The following CCDC69 variants were observed in gnomAD, a reference collection of about 807,000 sequenced individuals.
CCDC69 encodes coiled-coil domain-containing protein 69.
A neutral mutation model predicts 40.3 loss-of-function variants in CCDC69; 38 were observed. The ratio of observed to expected loss-of-function variants is 0.94; its 90% CI spans 0.73 to 1.24. The LOEUF (loss-of-function observed/expected upper bound fraction) is 1.24, where lower values mean the gene tolerates loss of function less well. Ranked by LOEUF, CCDC69 falls within the 50% of genes most tolerant of loss-of-function variation. The pLI, the probability that CCDC69 is intolerant of heterozygous loss-of-function variation, is 0.00. For missense variants in CCDC69, 389 were observed against 357.9 expected (o/e 1.09, Z -0.70); for synonymous variants, 141 against 138.9 (o/e 1.02, Z -0.11).
At chr5:151,199,894 A>G (rs758270947) in intron 3 of CCDC69, among the ~76,000 whole-genome samples, 5 of 152,154 alleles carry the variant, frequency 3.3e-5, no homozygotes, top group Non-Finnish European at 7.3e-5. Flanking sequence ...TTTCTGAAAA[A>G]TGCGTCTAAG....
intron 8 of CCDC69, among the ~76,000 whole-genome samples, chr5:151,183,991 T>C (rs144928600): frequency 6.6e-6 from 1 of 152,288 alleles, no homozygotes; most frequent in East Asian, 1.9e-4. Context: ...ATAAATTATG[T>C]CTGACACATG....
At chr5:151,215,722 C>A (rs1254005689) in intron 1 of CCDC69, 4 of 321,148 alleles carry the variant, frequency 1.2e-5, no homozygotes, top group Non-Finnish European at 2.8e-5. Context: ...AGCCATCTCC[C>A]AAGTTGCACG....
At chr5:151,197,375 A>G (rs2113991125) in intron 4 of CCDC69, among the ~76,000 whole-genome samples, 1 of 152,242 alleles carries the variant, frequency 6.6e-6, no homozygotes, top group African/African-American at 2.4e-5. Context: ...AAAAAAATAT[A>G]AAAATTAGCT....
intron 1 of CCDC69, among the ~76,000 whole-genome samples, chr5:151,207,390 C>T (rs1433707551): frequency 1.3e-5 from 2 of 152,050 alleles, no homozygotes; most frequent in African/African-American, 4.8e-5. Context: ...CTCCTGGGTT[C>T]ACGCCATTCT....
chr5:151,209,199 G>C (rs1051597442), intron 1 of CCDC69, among the ~76,000 whole-genome samples: 1 of 152,228 alleles, frequency 6.6e-6, no homozygotes, highest in Admixed American at 6.5e-5. Flanking sequence ...TTTAGGATGA[G>C]ATGAAATAAT....
rs780389055 is a variant in CCDC69, at chr5:151,199,067, C to A, written c.249G>T (p.Glu83Asp). ...CATCCAGTCTGTCTCGAAGCTCTAGCTCCCTTTCCTTCTCCACCTGGGGGC... is the reference window on the plus strand; with the variant it reads ...CATCCAGTCTGTCTCGAAGCTCTAGATCCCTTTCCTTCTCCACCTGGGGGC... ...KWAQQVEKER[E>D]LELRDRLDEQ... The change falls in exon 4 of 9, where the codon GAG becomes GAT. Residue 83 changes from glutamate to aspartate, a missense_variant. Physicochemically the swap from Glu to Asp is conservative, Grantham distance 45. Coordinates refer to ENST00000355417, the MANE Select transcript of CCDC69 (RefSeq NM_015621.3). The A allele has an allele frequency of 6.8e-6, 11 of 1,613,874 alleles. No homozygotes were observed. The South Asian group carries it at 8.8e-5, about 13-fold the overall frequency.
In CCDC69 at chr5:151,222,220, C is replaced by T. The variant is rs142212037; in HGVS notation, c.48+1703G>A. Among the ~76,000 whole-genome samples, 621 of 152,346 alleles carry T rather than the reference C, an allele frequency of 4.1e-3. 6 individuals are homozygous for T. Among genetic ancestry groups the T allele is most frequent in the African/African-American group, 0.014 (568 of 41,576 alleles). On this transcript the variant is annotated intron_variant, in intron 1 of 8. Transcript: ENST00000355417. ...TAACCTCCTATCTGTATAGTGGGTG[C>T]GTCAGCCCAGGTAGTACCCAAAGGC...
intron 4 of CCDC69, among the ~76,000 whole-genome samples, chr5:151,194,761 C>T (rs1213526779): frequency 2.0e-5 from 3 of 152,000 alleles, no homozygotes; most frequent in African/African-American, 4.8e-5. Context: ...GGCATAGTGG[C>T]ACGTGCCTGT....
intron 1 of CCDC69, among the ~76,000 whole-genome samples, chr5:151,221,977 G>A (rs979243150): frequency 4.6e-5 from 7 of 152,268 alleles, no homozygotes; most frequent in African/African-American, 1.7e-4. Context: ...TTGCCATATA[G>A]GGGCAGGGGC....
At chr5:151,205,781 A>C (rs904007638) in intron 1 of CCDC69, among the ~76,000 whole-genome samples, 1 of 151,680 alleles carries the variant, frequency 6.6e-6, no homozygotes, top group African/African-American at 2.4e-5. Flanking sequence ...CTCTCAGACC[A>C]CCTCTTTCTT....
At chr5:151,187,480 C>G in intron 4 of CCDC69, 21 bp from the exon 5 acceptor site, 1 of 1,599,434 alleles carries the variant, frequency 6.3e-7, no homozygotes, top group Non-Finnish European at 8.5e-7. Context: ...AGGAGAACTC[C>G]ATAAGCTCAA....
At chr5:151,223,453 C>G (rs1340031966) in intron 1 of CCDC69, among the ~76,000 whole-genome samples, 5 of 152,246 alleles carry the variant, frequency 3.3e-5, no homozygotes, top group Admixed American at 3.3e-4. Flanking sequence ...GGGCCTGAGC[C>G]TGAGATTCTG....
intron 2 of CCDC69, among the ~76,000 whole-genome samples, chr5:151,203,347 A>G (rs1330016142): frequency 6.6e-6 from 1 of 151,446 alleles, no homozygotes; most frequent in Non-Finnish European, 1.5e-5. Flanking sequence ...TCTCTACCAA[A>G]AATACAAAAA....
chr5:151,214,696 G>A (rs1448054420), intron 1 of CCDC69, among the ~76,000 whole-genome samples: 1 of 152,180 alleles, frequency 6.6e-6, no homozygotes, highest in Non-Finnish European at 1.5e-5. Flanking sequence ...CGGGGACACG[G>A]CCTATGCTCT....
chr5:151,215,718 C>A, intron 1 of CCDC69: 1 of 328,314 alleles, frequency 3.0e-6, no homozygotes, highest in Non-Finnish European at 6.7e-6. Context: ...GCTCAGCCAT[C>A]TCCCAAGTTG....
At chr5:151,197,903 G>A (rs970290423) in intron 4 of CCDC69, among the ~76,000 whole-genome samples, 13 of 152,116 alleles carry the variant, frequency 8.5e-5, no homozygotes, top group Non-Finnish European at 1.6e-4. Context: ...AAAACTCTTG[G>A]TATAGAAGAG....
chr5:151,188,086 G>T lies in CCDC69; in HGVS notation c.320-627C>A, dbSNP rs148595154. The stretch of plus-strand genomic sequence containing the variant: ...GGACGTGCAAGGGCTTCACAGACAG[G>T]GCGGTGCTGTACACAGCTGAAATTA... On this transcript the variant is annotated intron_variant, in intron 4 of 8. Coordinates refer to ENST00000355417, the MANE Select transcript of CCDC69 (RefSeq NM_015621.3). Among the ~76,000 whole-genome samples the T allele has an allele frequency of 5.9e-3, 898 of 152,278 alleles. 8 individuals are homozygous for T. The highest frequency in any genetic ancestry group is 0.029 in the South Asian group (142 of 4,830).
chr5:151,218,802 C>G (rs1753091372), intron 1 of CCDC69, among the ~76,000 whole-genome samples: 1 of 152,178 alleles, frequency 6.6e-6, no homozygotes, highest in South Asian at 2.1e-4. Context: ...AATGGGAGCC[C>G]TTAGGTATCT....
chr5:151,214,599 C>T (rs141683531), intron 1 of CCDC69, among the ~76,000 whole-genome samples: 1,647 of 152,284 alleles, frequency 0.011, 41 homozygotes, highest in African/African-American at 0.036. Context: ...GTGTGGTCAA[C>T]ATTTCCTCAC....
Sources: allele counts gnomAD v4.1 joint callset (sites outside exome capture counted in the v4.1 genomes callset), GRCh38; gene constraint gnomAD v4.1.1; transcripts MANE v1.5; gene names NCBI Gene and HGNC (gene_info 2026-07-23, HGNC 2026-07-21).